WDR70: variants seen among roughly 807,000 people sequenced by gnomAD.
WDR70 encodes the protein WD repeat domain 70.
In WDR70, 53 loss-of-function variants were observed where a neutral mutation model predicts 88.6. The observed-to-expected ratio is 0.60, with a 90% CI of 0.48 to 0.75. The LOEUF (loss-of-function observed/expected upper bound fraction) is 0.75. WDR70 is among the 30% of genes least tolerant of loss of function. The probability of loss-of-function intolerance (pLI) is 0.00; values close to 1 mark genes in which losing one functional copy is unlikely to be tolerated. For synonymous variants in WDR70, 280 were observed against 270.0 expected (o/e 1.04, Z -0.36); for missense variants, 610 against 823.2 (o/e 0.74, Z 3.17).
At chr5:37,674,641 G>A (rs1380682345) in intron 10 of WDR70, among the ~76,000 whole-genome samples, 3 of 152,174 alleles carry the variant, frequency 2.0e-5, no homozygotes, top group Admixed American at 6.5e-5. Flanking sequence ...ATCGTTGGAC[G>A]TTTGGGTTGG....
chr5:37,415,960 G>A (rs1369835101), intron 5 of WDR70, among the ~76,000 whole-genome samples: 1 of 151,820 alleles, frequency 6.6e-6, no homozygotes, highest in South Asian at 2.1e-4. Flanking sequence ...GCTGGCGGCC[G>A]GGAAGAGGCG....
chr5:37,719,370 C>A (rs1747741270), intron 13 of WDR70, among the ~76,000 whole-genome samples: 1 of 148,434 alleles, frequency 6.7e-6, no homozygotes, highest in African/African-American at 2.5e-5. Flanking sequence ...AAAAAATACC[C>A]AAACTATCAA....
intron 6 of WDR70, among the ~76,000 whole-genome samples, chr5:37,441,817 CA>C (rs201026434): frequency 1.3e-5 from 2 of 151,008 alleles, no homozygotes; most frequent in African/African-American, 4.9e-5. Context: ...GACTCTGTCT[CA>C]AAAAAAACAA....
chr5:37,521,729 CACACA>C (rs1427001944), intron 9 of WDR70, among the ~76,000 whole-genome samples: 7 of 151,990 alleles, frequency 4.6e-5, no homozygotes, highest in Non-Finnish European at 8.8e-5. Context: ...CACACACACA[CACACA>C]CACACACCCA....
At chr5:37,678,234 T>A (rs1271635626) in intron 10 of WDR70, among the ~76,000 whole-genome samples, 1 of 152,222 alleles carries the variant, frequency 6.6e-6, no homozygotes, top group Non-Finnish European at 1.5e-5. Context: ...CATTTACATT[T>A]AAAGTTAATA....
At chr5:37,594,217 C>T (rs1360850425) in intron 9 of WDR70, among the ~76,000 whole-genome samples, 1 of 152,072 alleles carries the variant, frequency 6.6e-6, no homozygotes, top group Non-Finnish European at 1.5e-5. Flanking sequence ...AAGTCCTTGC[C>T]CATGCCTATG....
At chr5:37,393,367 C>G (rs541827706) in intron 4 of WDR70, among the ~76,000 whole-genome samples, 2 of 152,112 alleles carry the variant, frequency 1.3e-5, no homozygotes, top group African/African-American at 4.8e-5. Context: ...GTGTCAATGT[C>G]ATTTGTAGTT....
At chr5:37,522,217 A>G (rs577743727) in intron 9 of WDR70, among the ~76,000 whole-genome samples, 5 of 152,044 alleles carry the variant, frequency 3.3e-5, no homozygotes, top group East Asian at 1.9e-4. Context: ...TCATGGCTGT[A>G]ATCCCAGCAT....
chr5:37,627,467 GGTTT>G (rs760860739), intron 10 of WDR70, among the ~76,000 whole-genome samples: 23 of 151,768 alleles, frequency 1.5e-4, no homozygotes, highest in Non-Finnish European at 2.9e-4. Flanking sequence ...ACTAATTTGG[GGTTT>G]GTTTGTTTTT....
At chr5:37,401,190 T>TTA (rs1491508863) in intron 5 of WDR70, among the ~76,000 whole-genome samples, 4,341 of 137,188 alleles carry the variant, frequency 0.032, 140 homozygotes, top group South Asian at 0.054. Context: ...TTTTTTTTTT[T>TTA]AGTAGAGATG....
At chr5:37,431,663 T>C (rs1448114373) in intron 5 of WDR70, among the ~76,000 whole-genome samples, 1 of 152,200 alleles carries the variant, frequency 6.6e-6, no homozygotes, top group Non-Finnish European at 1.5e-5. Flanking sequence ...TCCCCAGAAC[T>C]TTTTCATTTT....
At chr5:37,616,546 A>G (rs772889481) in intron 10 of WDR70, among the ~76,000 whole-genome samples, 2 of 152,180 alleles carry the variant, frequency 1.3e-5, no homozygotes, top group Non-Finnish European at 2.9e-5. Context: ...CGCTGCTGGT[A>G]GAAATAGCCA....
chr5:37,534,016 G>C (rs1295632920), intron 9 of WDR70, among the ~76,000 whole-genome samples: 5 of 152,110 alleles, frequency 3.3e-5, no homozygotes, highest in African/African-American at 9.7e-5. Flanking sequence ...TACCTCAAAG[G>C]GTCTATGGAT....
intron 10 of WDR70, among the ~76,000 whole-genome samples, chr5:37,612,828 A>G (rs1280492040): frequency 1.3e-5 from 2 of 152,190 alleles, no homozygotes. Flanking sequence ...AGATACATCA[A>G]TTATAATGAT....
intron 8 of WDR70, among the ~76,000 whole-genome samples, chr5:37,511,770 C>T (rs1268077123): frequency 6.6e-6 from 1 of 152,186 alleles, no homozygotes; most frequent in African/African-American, 2.4e-5. Context: ...TAACTATCTT[C>T]TCCAACAGGG....
chr5:37,612,753 A>G (rs1744223061), intron 10 of WDR70, among the ~76,000 whole-genome samples: 1 of 152,174 alleles, frequency 6.6e-6, no homozygotes, highest in Admixed American at 6.5e-5. Flanking sequence ...CATTCATTGT[A>G]TGCAAATGTA....
In WDR70 at chr5:37,605,127, G is replaced by T. The variant is rs1322275868; in HGVS notation, c.981G>T (p.Thr327=). 1 of 1,613,112 alleles carries T rather than the reference G, an allele frequency of 6.2e-7. No individual in the cohort carries two copies. The highest frequency in any genetic ancestry group is 1.7e-5 in the Admixed American group (1 of 59,968). ...KKQKSVFKPR[T]MQGKKVIPTT... is the part of the protein sequence containing the mutation. ...AAAAAAGTGTGTTTAAACCACGGAC[G>T]ATGCAAGGCAAAAAAGTCATTCCCA... Residue 327 remains threonine, a synonymous_variant, in exon 10 of 18, where the codon ACG becomes ACT. Coordinates refer to ENST00000265107, the MANE Select transcript of WDR70 (RefSeq NM_018034.4).
At chr5:37,600,207 G>A (rs112712773) in intron 9 of WDR70, among the ~76,000 whole-genome samples, 7,363 of 152,176 alleles carry the variant, frequency 0.048, 582 homozygotes, top group African/African-American at 0.16. Context: ...ATCTGATAAG[G>A]TACTGACATC....
intron 7 of WDR70, among the ~76,000 whole-genome samples, chr5:37,447,098 A>G (rs1241930294): frequency 6.6e-6 from 1 of 152,220 alleles, no homozygotes; most frequent in Non-Finnish European, 1.5e-5. Flanking sequence ...TTTACAAGAA[A>G]AAAACAACCC....
Sources: allele counts gnomAD v4.1 joint callset (sites outside exome capture counted in the v4.1 genomes callset), GRCh38; gene constraint gnomAD v4.1.1; transcripts MANE v1.5; gene names NCBI Gene and HGNC (gene_info 2026-07-23, HGNC 2026-07-21).